Variants in PPM1E observed in about 807,000 individuals in gnomAD.
The protein encoded by PPM1E is protein phosphatase 1E.
In PPM1E, 20 loss-of-function variants were observed where a neutral mutation model predicts 65.9. The observed-to-expected ratio is 0.30, with a 90% CI of 0.21 to 0.44. The LOEUF is 0.44. PPM1E is among the 20% of genes least tolerant of loss of function. PPM1E has a pLI of 1.00. For synonymous variants in PPM1E, 352 were observed against 374.9 expected, an observed-to-expected ratio of 0.94 and a Z score of 0.70; for missense variants, 713 against 953.1, an observed-to-expected ratio of 0.75 and a Z score of 3.32.
chr17:58,791,279 T>C (rs1428420509), intron 1 of PPM1E, among the ~76,000 whole-genome samples: 1 of 152,090 alleles, frequency 6.6e-6, no homozygotes, highest in Non-Finnish European at 1.5e-5. Context: ...AGAATGTAAA[T>C]TATCAGATTA....
intron 1 of PPM1E, among the ~76,000 whole-genome samples, chr17:58,758,025 T>C (rs1333406341): frequency 6.6e-6 from 1 of 152,186 alleles, no homozygotes; most frequent in Admixed American, 6.5e-5. Context: ...TGGAAATGTT[T>C]ATTAAGGGAA....
At chr17:58,928,460 C>A (rs1044904042) in intron 1 of PPM1E, among the ~76,000 whole-genome samples, 1 of 151,960 alleles carries the variant, frequency 6.6e-6, no homozygotes, top group Non-Finnish European at 1.5e-5. Flanking sequence ...TACTATTATA[C>A]ACCCATCAGA....
intron 1 of PPM1E, among the ~76,000 whole-genome samples, chr17:58,933,552 T>C (rs1469765371): frequency 6.6e-6 from 1 of 152,118 alleles, no homozygotes; most frequent in Non-Finnish European, 1.5e-5. Flanking sequence ...TCCCAGCATT[T>C]TGGGAGGCCA....
At chr17:58,780,224 A>C (rs1391393527) in intron 1 of PPM1E, among the ~76,000 whole-genome samples, 1 of 152,242 alleles carries the variant, frequency 6.6e-6, no homozygotes, top group Admixed American at 6.5e-5. Flanking sequence ...TATATAAGAA[A>C]AAGGCTGGAT....
chr17:58,825,255 CACACACACAA>C (rs1479738964), intron 1 of PPM1E, among the ~76,000 whole-genome samples: 9 of 150,516 alleles, frequency 6.0e-5, no homozygotes, highest in African/African-American at 2.0e-4. Flanking sequence ...CACACACACA[CACACACACAA>C]AAATAAATAG....
Position 58,904,856 on chromosome 17 carries a change from CA to C in PPM1E, c.465-50776del, listed in dbSNP as rs71367643. ...AGAAACCCCATCTCTACTAAAAATACAAAAAAAAAAAAAAAAATCAGCCGGA... is the reference window on the plus strand; with the variant it reads ...AGAAACCCCATCTCTACTAAAAATACAAAAAAAAAAAAAAAATCAGCCGGA... On this transcript the variant is annotated intron_variant, in intron 1 of 6. Transcript: ENST00000308249. Among the ~76,000 whole-genome samples, 1,023 of 104,016 alleles carry C rather than the reference CA, an allele frequency of 9.8e-3. 7 individuals are homozygous for C. Among genetic ancestry groups the C allele is most frequent in the African/African-American group, 0.02 (601 of 30,014 alleles). 68.2% of individuals were successfully genotyped at this position (104,016 alleles called of 152,430 possible).
intron 6 of PPM1E, among the ~76,000 whole-genome samples, chr17:58,973,579 C>G (rs1297043353): frequency 6.6e-6 from 1 of 151,786 alleles, no homozygotes; most frequent in African/African-American, 2.4e-5. Flanking sequence ...CTTTGGGAGG[C>G]TGAAGAGGGT....
chr17:58,928,557 A>G (rs1205033861), intron 1 of PPM1E, among the ~76,000 whole-genome samples: 3 of 151,932 alleles, frequency 2.0e-5, no homozygotes, highest in Non-Finnish European at 4.4e-5. Context: ...ATGGGCTTGT[A>G]AAAAGGATAT....
intron 1 of PPM1E, among the ~76,000 whole-genome samples, chr17:58,782,628 T>C (rs951138330): frequency 8.6e-5 from 13 of 151,544 alleles, no homozygotes; most frequent in Non-Finnish European, 1.8e-4. Flanking sequence ...ATCAGGCTGG[T>C]CTTGAACACC....
intron 1 of PPM1E, among the ~76,000 whole-genome samples, chr17:58,768,961 G>T (rs574005471): frequency 6.6e-6 from 1 of 152,014 alleles, no homozygotes; most frequent in Admixed American, 6.6e-5. Context: ...GAGCCAATGC[G>T]CCTGGCCTAT....
chr17:58,808,131 G>T (rs1454546584), intron 1 of PPM1E, among the ~76,000 whole-genome samples: 1 of 152,100 alleles, frequency 6.6e-6, no homozygotes, highest in Non-Finnish European at 1.5e-5. Flanking sequence ...ATTTTCATGG[G>T]TCTATTTCTA....
At chr17:58,804,150 A>G (rs1357620056) in intron 1 of PPM1E, among the ~76,000 whole-genome samples, 3 of 151,898 alleles carry the variant, frequency 2.0e-5, no homozygotes, top group Non-Finnish European at 4.4e-5. Flanking sequence ...CTGGTCATGA[A>G]CTCCTGGCCT....
chr17:58,869,415 ATCC>A (rs2051044532), intron 1 of PPM1E, among the ~76,000 whole-genome samples: 1 of 152,150 alleles, frequency 6.6e-6, no homozygotes, highest in Non-Finnish European at 1.5e-5. Context: ...GCTTGGTGCC[ATCC>A]TCACAGTAAT....
intron 1 of PPM1E, among the ~76,000 whole-genome samples, chr17:58,787,161 A>T (rs2050108380): frequency 6.6e-6 from 1 of 152,242 alleles, no homozygotes; most frequent in Admixed American, 6.5e-5. Context: ...TTCAAGGCTC[A>T]GAAAAGTTTG....
rs552301576 is a variant in PPM1E, at chr17:58,883,745, A to AT, written c.465-71904_465-71903insT. ...CGTGATCCGCCCGCCTCGGCCTCCC[A>AT]AAGTGCTGGGATTACAGGCGTGAGC... On this transcript the variant is annotated intron_variant, in intron 1 of 6. Transcript: ENST00000308249. 2.5e-3 allele frequency among the ~76,000 whole-genome samples: 372 copies of AT among 151,324 alleles called. 1 individual carries two copies. The highest frequency in any genetic ancestry group is 8.7e-3 in the African/African-American group (359 of 41,254).
rs2049760042 is a variant in PPM1E, at chr17:58,756,148, C to A, written c.151C>A (p.Pro51Thr). 1.9e-6 allele frequency: 3 copies of A among 1,598,116 alleles called. No individual in the cohort carries two copies. Among genetic ancestry groups the A allele is most frequent in the Non-Finnish European group, 2.6e-6 (3 of 1,172,558 alleles). ...PEPESEPEPE[P>T]ELVEAEAAEA... ...ACCCGAGTCCGAGCCCGAGCCCGAACCTGAACTGGTAGAAGCTGAGGCGGC... is the reference window on the plus strand; with the variant it reads ...ACCCGAGTCCGAGCCCGAGCCCGAAACTGAACTGGTAGAAGCTGAGGCGGC... The change falls in exon 1 of 7, where the codon CCT becomes ACT. Residue 51 changes from proline (P) to threonine (T), a missense_variant. Pro to Thr is a conservative substitution (Grantham distance 38). Transcript: ENST00000308249.
chr17:58,782,081 G>A (rs2050056087), intron 1 of PPM1E, among the ~76,000 whole-genome samples: 1 of 152,054 alleles, frequency 6.6e-6, no homozygotes, highest in African/African-American at 2.4e-5. Flanking sequence ...TAGCCAATGA[G>A]GAAGAATTGC....
At chr17:58,844,642 C>G (rs2050753843) in intron 1 of PPM1E, among the ~76,000 whole-genome samples, 1 of 152,192 alleles carries the variant, frequency 6.6e-6, no homozygotes, top group African/African-American at 2.4e-5. Flanking sequence ...TGTCACTAAA[C>G]TAATTATTTC....
chr17:58,935,472 T>C (rs1343212523), intron 1 of PPM1E, among the ~76,000 whole-genome samples: 1 of 152,128 alleles, frequency 6.6e-6, no homozygotes, highest in Non-Finnish European at 1.5e-5. Context: ...AGTAGCCAAA[T>C]GCTCCTGAAT....
Sources: allele counts gnomAD v4.1 joint callset (sites outside exome capture counted in the v4.1 genomes callset), GRCh38; gene constraint gnomAD v4.1.1; transcripts MANE v1.5; gene names NCBI Gene and HGNC (gene_info 2026-07-23, HGNC 2026-07-21).